Variants in MAP4K2 observed in about 807,000 individuals in gnomAD.
MAP4K2 encodes the protein B lymphocyte serine/threonine protein kinase.
A neutral mutation model predicts 125.3 loss-of-function variants in MAP4K2; 85 were observed. The ratio of observed to expected loss-of-function variants is 0.68; its 90% CI spans 0.57 to 0.81. The LOEUF is 0.81. MAP4K2 is among the 40% of genes least tolerant of loss of function. The pLI, the probability that MAP4K2 is intolerant of heterozygous loss-of-function variation, is 0.00. For missense variants in MAP4K2, 923 were observed against 1,056.4 expected (o/e 0.87, Z 1.75); for synonymous variants, 479 against 445.1 (o/e 1.08, Z -0.96).
chr11:64,800,792 G>A lies in MAP4K2; in HGVS notation c.697C>T (p.Pro233Ser), dbSNP rs867955551. The A allele has an allele frequency of 3.7e-6, 6 of 1,609,664 alleles. No individual in the cohort carries two copies. Among genetic ancestry groups the A allele is most frequent in the Non-Finnish European group, 4.2e-6 (5 of 1,178,022 alleles). ...LMLMSKSSFQ[P>S]PKLRDKTRWT... ...CGAGTCTTATCTCTCAGTTTGGGCG[G>A]CTGGAAGCTGCTCTTCGACATGAGC... The change falls in exon 10 of 32, where the codon CCG becomes TCG. Residue 233 changes from proline (P) to serine (S), a missense_variant. Coordinates refer to ENST00000294066, the MANE Select transcript of MAP4K2 (RefSeq NM_004579.5).
In MAP4K2 at chr11:64,800,908, G is replaced by T; in HGVS notation, c.654C>A (p.His218Gln). Reference protein sequence around the residue: ...GELQPPLFHLHPMRALMLMSK... With the variant: ...GELQPPLFHLQPMRALMLMSK... ...GCAAGTGTTGGGCTGACCTCATGGG[G>T]TGCAGGTGGAACAGAGGGGGCTGCA... Residue 218 changes from histidine to glutamine, a missense_variant, in exon 9 of 32, where the codon CAC becomes CAA. This residue lies in a region of MAP4K2 where 833 missense variants were observed against 911.4 expected (regional missense o/e 0.91). Transcript: ENST00000294066. The T allele has an allele frequency of 6.2e-7, 1 of 1,614,058 alleles. No individual in the cohort carries two copies. The highest frequency in any genetic ancestry group is 8.5e-7 in the Non-Finnish European group (1 of 1,180,014).
chr11:64,800,088 T>C, intron 12 of MAP4K2, 21 bp downstream of exon 12: 1 of 1,565,382 alleles, frequency 6.4e-7, no homozygotes, highest in Non-Finnish European at 8.7e-7. Context: ...CAAGACTCAC[T>C]TTCCAGCCCC....
Position 64,797,385 on chromosome 11 carries a change from T to A in MAP4K2, c.1171-5A>T. 1 of 1,576,730 alleles carries A rather than the reference T, an allele frequency of 6.3e-7. No homozygotes were observed. The highest frequency in any genetic ancestry group is 2.3e-5 in the East Asian group (1 of 43,062). On this transcript the variant is annotated splice_polypyrimidine_tract_variant and splice_region_variant and intron_variant, in intron 17 of 31. Coordinates refer to ENST00000294066, the MANE Select transcript of MAP4K2 (RefSeq NM_004579.5). ...ATCGTCTGGGGAGTCCAGCTCCTGG[T>A]AGGAGGGGCAGGGCCCAGCCCGGCC...
intron 10 of MAP4K2, 36 bp from the exon 11 acceptor site, chr11:64,800,428 G>A (rs766565559): frequency 6.2e-7 from 1 of 1,606,716 alleles, no homozygotes; most frequent in Admixed American, 1.7e-5. Flanking sequence ...GCCAGATCCA[G>A]GTTAGCCCTC....
In MAP4K2 at chr11:64,802,645, T is replaced by C. The variant is rs200194327; in HGVS notation, c.163A>G (p.Ile55Val). 202 of 1,612,492 alleles carry C rather than the reference T, an allele frequency of 1.3e-4. No individual in the cohort carries two copies. The highest frequency in any genetic ancestry group is 1.5e-4 in the Non-Finnish European group (176 of 1,179,492). ...GTGATTTCCTGCTGGAGGGAGCTGATGTCGTCCCCTGGGAAGCACAAAGCA... is the reference window on the plus strand; with the variant it reads ...GTGATTTCCTGCTGGAGGGAGCTGACGTCGTCCCCTGGGAAGCACAAAGCA... Reference protein sequence around the residue: ...KIVKLDPGDDISSLQQEITIL... With the variant: ...KIVKLDPGDDVSSLQQEITIL... The change falls in exon 3 of 32, where the codon ATC (isoleucine) becomes GTC (valine). Residue 55 changes from isoleucine (I) to valine (V), a missense_variant. Around this residue, in one of 2 missense-constraint regions of MAP4K2, gnomAD observed 833 missense variants for 911.4 expected, o/e 0.91. Coordinates refer to ENST00000294066, the MANE Select transcript of MAP4K2 (RefSeq NM_004579.5).
At chr11:64,800,730 A>G (rs1396643976) in intron 10 of MAP4K2, 34 bp downstream of exon 10, 8 of 1,576,512 alleles carry the variant, frequency 5.1e-6, no homozygotes, top group Non-Finnish European at 6.9e-6. Flanking sequence ...GGCTGACAGA[A>G]AAGGGGGTCC....
intron 16 of MAP4K2, 42 bp from the exon 17 acceptor site, chr11:64,797,576 G>A: frequency 1.3e-6 from 2 of 1,576,406 alleles, no homozygotes; most frequent in Admixed American, 1.8e-5. Flanking sequence ...GGTGTGACTG[G>A]CACCAAGGCC....
rs200744604 is a variant in MAP4K2, at chr11:64,798,727, G to A, written c.1097+67C>T. Reference sequence around the variant, plus strand: ...TGGGATTACAGGCATGAGCCACCACGCCCGGTCAGAGGTCAGCCTTTCTGC... The same window carrying A: ...TGGGATTACAGGCATGAGCCACCACACCCGGTCAGAGGTCAGCCTTTCTGC... On this transcript the variant is annotated intron_variant, in intron 15 of 31. Coordinates refer to ENST00000294066, the MANE Select transcript of MAP4K2 (RefSeq NM_004579.5). 32 of 1,570,008 alleles carry A rather than the reference G, an allele frequency of 2.0e-5. No individual in the cohort carries two copies. The Middle Eastern group carries it at 1.9e-3, about 92-fold the overall frequency.
intron 22 of MAP4K2, 26 bp downstream of exon 22, chr11:64,796,607 TG>T: frequency 6.2e-7 from 1 of 1,613,976 alleles, no homozygotes; most frequent in South Asian, 1.1e-5. Context: ...ACAAGGCCTC[TG>T]CCCCCCACAG....
At position 64,798,596 on chromosome 11, in the gene MAP4K2, G is replaced by A. The variant is rs879231587; in HGVS notation, c.1097+198C>T. Among the ~76,000 whole-genome samples the A allele has an allele frequency of 2.6e-5, 4 of 152,104 alleles. 1 individual carries two copies. In the South Asian group the frequency reaches 8.3e-4, roughly 31 times the overall value. On this transcript the variant is annotated intron_variant, in intron 15 of 31. Coordinates refer to ENST00000294066, the MANE Select transcript of MAP4K2 (RefSeq NM_004579.5). ...ATTACAGGCATGAGCCACCCGCCCA[G>A]CCTAATTTTTGTATTTTAAGTAGAG...
chr11:64,792,335 C>CCGG, intron 25 of MAP4K2, 29 bp downstream of exon 25: 19 of 1,520,370 alleles, frequency 1.2e-5, no homozygotes, highest in Non-Finnish European at 1.7e-5. Context: ...CACCAGGCCC[C>CCGG]GCCCCACCCC....
chr11:64,802,373 GT>G, intron 4 of MAP4K2, 45 bp downstream of exon 4: 1 of 1,487,534 alleles, frequency 6.7e-7, no homozygotes, highest in Non-Finnish European at 9.0e-7. Flanking sequence ...TGGGGTAGGG[GT>G]GGGGGAAGGC....
Position 64,789,789 on chromosome 11 carries a change from G to C in MAP4K2, c.2320-4C>G. On this transcript the variant is annotated splice_region_variant and splice_polypyrimidine_tract_variant and intron_variant, in intron 30 of 31. Transcript: ENST00000294066. The stretch of plus-strand genomic sequence containing the variant: ...CATCTGTGATCTCCTGGGTCACCTG[G>C]GAAGACAGGTGGGAAGCACTGAGGC... The C allele has an allele frequency of 6.2e-7, 1 of 1,614,084 alleles. No homozygotes were observed. The highest frequency in any genetic ancestry group is 8.5e-7 in the Non-Finnish European group (1 of 1,179,978).
chr11:64,800,039 A>G (rs1941065564), intron 12 of MAP4K2, 70 bp downstream of exon 12: 5 of 1,309,402 alleles, frequency 3.8e-6, no homozygotes, highest in Non-Finnish European at 5.4e-6. Flanking sequence ...AAGGACCTCC[A>G]CCAACATCAC....
chr11:64,794,637 C>T (rs1366611546), intron 24 of MAP4K2, among the ~76,000 whole-genome samples: 1 of 152,172 alleles, frequency 6.6e-6, no homozygotes, highest in Non-Finnish European at 1.5e-5. Context: ...GGATTACAGG[C>T]GTGAGCCACT....
chr11:64,802,790 T>C, intron 2 of MAP4K2, 95 bp downstream of exon 2: 1 of 1,489,714 alleles, frequency 6.7e-7, no homozygotes, highest in Non-Finnish European at 9.1e-7. Context: ...GGCACGCCTC[T>C]CAGGGGTCTC....
chr11:64,800,641 T>C (rs1941106019), intron 10 of MAP4K2, 123 bp downstream of exon 10: 3 of 1,341,584 alleles, frequency 2.2e-6, no homozygotes, highest in Middle Eastern at 2.0e-4. Context: ...CTGACTCAGA[T>C]GGTCTGTAGT....
At chr11:64,793,445 G>A (rs968264239) in intron 24 of MAP4K2, among the ~76,000 whole-genome samples, 5 of 152,132 alleles carry the variant, frequency 3.3e-5, no homozygotes, top group Non-Finnish European at 5.9e-5. Flanking sequence ...CCTTGCTGTC[G>A]GGGTAGAAGT....
chr11:64,791,981 G>T lies in MAP4K2; in HGVS notation c.2020C>A (p.Pro674Thr). 6.2e-7 allele frequency: 1 copy of T among 1,601,586 alleles called. No homozygotes were observed. The change falls in exon 27 of 32, where the codon CCC becomes ACC. Residue 674 changes from proline (P) to threonine (T), a missense_variant. Pro to Thr is a conservative substitution (Grantham distance 38). This residue lies in a region of MAP4K2 where 833 missense variants were observed against 911.4 expected (regional missense o/e 0.91). Transcript: ENST00000294066. ...VCVGAEGPEG[P>T]GCRVLFHVLP... ...ACATGGAACAGGACGCGGCAGCCGG[G>T]CCCCTCAGGCCCCTCGGCCCCAACA...
Sources: allele counts gnomAD v4.1 joint callset (sites outside exome capture counted in the v4.1 genomes callset), GRCh38; gene constraint gnomAD v4.1.1; regional missense constraint gnomAD v4.1.1; transcripts MANE v1.5; gene names NCBI Gene and HGNC (gene_info 2026-07-23, HGNC 2026-07-21).